MAF: variants seen among roughly 807,000 people sequenced by gnomAD.
MAF encodes transcription factor Maf.
In MAF, 10 loss-of-function variants were observed where a neutral mutation model predicts 22.0. The observed-to-expected ratio is 0.45, with a 90% confidence interval of 0.28 to 0.77. The LOEUF (loss-of-function observed/expected upper bound fraction) is 0.77, where lower values mean the gene tolerates loss of function less well. MAF is among the 30% of genes least tolerant of loss of function. MAF has a pLI of 0.12. For synonymous variants in MAF, 337 were observed against 255.8 expected (o/e 1.32, Z -3.03); for missense variants, 544 against 548.4 (o/e 0.99, Z 0.08).
At chr16:79,486,652 T>C in the MAF span, among the ~76,000 whole-genome samples, 1 of 152,228 alleles carries the variant, frequency 6.6e-6, no homozygotes, top group East Asian at 1.9e-4. Flanking sequence ...CCAGTGCCTT[T>C]AATGTGCTAA....
the MAF span, among the ~76,000 whole-genome samples, chr16:79,213,658 A>C: frequency 6.6e-6 from 1 of 152,170 alleles, no homozygotes; most frequent in East Asian, 1.9e-4. Context: ...GATGAGAGAC[A>C]CGTAGTCACT....
chr16:79,460,097 G>A, the MAF span, among the ~76,000 whole-genome samples: 1 of 151,992 alleles, frequency 6.6e-6, no homozygotes, highest in Non-Finnish European at 1.5e-5. Context: ...ACAGATCTTT[G>A]TATTCTGTGA....
At chr16:79,260,664 C>T in the MAF span, among the ~76,000 whole-genome samples, 1 of 152,176 alleles carries the variant, frequency 6.6e-6, no homozygotes, top group African/African-American at 2.4e-5. Context: ...TCGGCATTGA[C>T]CAGTGAGTGT....
chr16:79,336,033 G>A, the MAF span, among the ~76,000 whole-genome samples: 7,628 of 152,220 alleles, frequency 0.05, 456 homozygotes, highest in African/African-American at 0.14. Context: ...ACAGGGCTGC[G>A]CTCAGGGCAG....
intron 1 of MAF, among the ~76,000 whole-genome samples, chr16:79,588,726 T>C (rs111704950): frequency 0.037 from 5,619 of 152,100 alleles, 169 homozygotes; most frequent in South Asian, 0.1. Flanking sequence ...CCTCCCACAG[T>C]GCTGGGATTA....
chr16:79,471,241 G>A, the MAF span, among the ~76,000 whole-genome samples: 19 of 152,176 alleles, frequency 1.2e-4, no homozygotes, highest in Non-Finnish European at 2.4e-4. Flanking sequence ...CCATTAATCT[G>A]CTTACTTTTT....
At chr16:79,216,169 G>C in the MAF span, among the ~76,000 whole-genome samples, 1 of 140,130 alleles carries the variant, frequency 7.1e-6, no homozygotes, top group Non-Finnish European at 1.5e-5. Flanking sequence ...TGTATGTCGT[G>C]CACGTGTATA....
the MAF span, among the ~76,000 whole-genome samples, chr16:79,262,184 G>A: frequency 2.0e-5 from 3 of 152,122 alleles, no homozygotes; most frequent in Non-Finnish European, 4.4e-5. Context: ...GTGCAGGATG[G>A]GTAGTTTTTG....
the MAF span, among the ~76,000 whole-genome samples, chr16:79,566,542 T>C: frequency 0.2 from 30,269 of 152,258 alleles, 3,485 homozygotes; most frequent in Non-Finnish European, 0.26. Context: ...GGAGGGTTGA[T>C]CCTGGACATG....
the MAF span, among the ~76,000 whole-genome samples, chr16:79,241,902 GA>G: frequency 6.6e-6 from 1 of 152,030 alleles, no homozygotes; most frequent in Admixed American, 6.6e-5. Context: ...CACTCTTAAA[GA>G]AAAGAATTTT....
At chr16:79,497,297 A>G in the MAF span, among the ~76,000 whole-genome samples, 1 of 152,210 alleles carries the variant, frequency 6.6e-6, no homozygotes, top group African/African-American at 2.4e-5. Flanking sequence ...ATAGACAGGT[A>G]CTAGTCTCCC....
At chr16:79,526,640 C>T in the MAF span, among the ~76,000 whole-genome samples, 101 of 151,956 alleles carry the variant, frequency 6.6e-4, no homozygotes, top group African/African-American at 2.0e-3. Context: ...ACAGGCTTTC[C>T]GGGGCAAAAA....
At chr16:79,477,928 T>G in the MAF span, among the ~76,000 whole-genome samples, 1 of 152,006 alleles carries the variant, frequency 6.6e-6, no homozygotes, top group Non-Finnish European at 1.5e-5. Context: ...TTCACTATGT[T>G]GGCCAGGCTG....
the MAF span, among the ~76,000 whole-genome samples, chr16:79,243,876 G>C: frequency 1.3e-5 from 2 of 151,972 alleles, no homozygotes; most frequent in African/African-American, 2.4e-5. Flanking sequence ...CCACGATCAA[G>C]TCAGCTTTAT....
chr16:79,425,087 T>A, the MAF span, among the ~76,000 whole-genome samples: 1 of 152,290 alleles, frequency 6.6e-6, no homozygotes, highest in East Asian at 1.9e-4. Flanking sequence ...TTTCCCCATA[T>A]ACCCAAAGAT....
At chr16:79,404,164 CTTTTTTTT>C in the MAF span, among the ~76,000 whole-genome samples, 1 of 122,092 alleles carries the variant, frequency 8.2e-6, no homozygotes, top group African/African-American at 3.1e-5. Context: ...TCTGGATTTT[CTTTTTTTT>C]TTTTTTTTTT....
the MAF span, among the ~76,000 whole-genome samples, chr16:79,575,286 G>A: frequency 1.1e-4 from 16 of 152,258 alleles, no homozygotes; most frequent in East Asian, 3.1e-3. Flanking sequence ...TATCAGAAAA[G>A]CAGGCAGCTG....
chr16:79,517,069 C>A, the MAF span, among the ~76,000 whole-genome samples: 1 of 151,730 alleles, frequency 6.6e-6, no homozygotes, highest in East Asian at 1.9e-4. Context: ...GCTCTTTTGT[C>A]TTGGCTGTCT....
downstream of MAF, among the ~76,000 whole-genome samples, chr16:79,589,818 G>A (rs1310170423): frequency 6.6e-6 from 1 of 152,184 alleles, no homozygotes; most frequent in Non-Finnish European, 1.5e-5. Context: ...GGGTGGGCGC[G>A]GGGCCCTGGG....
Sources: allele counts gnomAD v4.1 joint callset (sites outside exome capture counted in the v4.1 genomes callset), GRCh38; gene constraint gnomAD v4.1.1; transcripts MANE v1.5; gene names NCBI Gene and HGNC (gene_info 2026-07-23, HGNC 2026-07-21).